Variants in TAB2 observed in about 807,000 individuals in gnomAD.
TAB2 encodes the protein TGF-beta-activated kinase 1 and MAP3K7-binding protein 2.
In TAB2, 3 loss-of-function variants were observed where a neutral mutation model predicts 65.0. The observed-to-expected ratio is 0.05, with a 90% confidence interval of 0.02 to 0.12. TAB2 has a LOEUF of 0.12. Ranked by LOEUF, TAB2 falls within the 10% of genes least tolerant of loss-of-function variation. The pLI, the probability that TAB2 is intolerant of heterozygous loss-of-function variation, is 1.00. For synonymous variants in TAB2, 298 were observed against 285.1 expected (o/e 1.05, Z -0.46); for missense variants, 623 against 840.3 (o/e 0.74, Z 3.20).
chr6:149,387,310 A>G (rs999309760), intron 3 of TAB2, among the ~76,000 whole-genome samples: 4 of 152,138 alleles, frequency 2.6e-5, no homozygotes, highest in Non-Finnish European at 5.9e-5. Context: ...TAAGAATCCA[A>G]CTTCATTCTT....
chr6:149,254,139 G>A (rs1490066781), intron 1 of TAB2, among the ~76,000 whole-genome samples: 1 of 149,546 alleles, frequency 6.7e-6, no homozygotes, highest in Non-Finnish European at 1.5e-5. Flanking sequence ...GGAAAGGAAA[G>A]GAAAGGAAAG....
intron 1 of TAB2, among the ~76,000 whole-genome samples, chr6:149,262,554 A>G (rs575337827): frequency 6.6e-6 from 1 of 152,070 alleles, no homozygotes; most frequent in South Asian, 2.1e-4. Flanking sequence ...AAAATCTCAT[A>G]TGCTAGAGTT....
chr6:149,281,875 C>A lies in TAB2; in HGVS notation c.-121+63099C>A, dbSNP rs141470478. 2.3e-3 allele frequency among the ~76,000 whole-genome samples: 357 copies of A among 152,002 alleles called. 5 individuals are homozygous for A. Among genetic ancestry groups the A allele is most frequent in the African/African-American group, 8.3e-3 (346 of 41,468 alleles). ...AAAAAATACACTTTATATATAAAGA[C>A]ATAAAAAGATTAAAAGTAAAATGAT... On this transcript the variant is annotated intron_variant, in intron 1 of 1. Coordinates refer to the TAB2 transcript ENST00000606202.
At chr6:149,318,442 G>A (rs1779329648) in intron 1 of TAB2, 1 of 129,736 alleles carries the variant, frequency 7.7e-6, no homozygotes, top group Non-Finnish European at 1.6e-5. Flanking sequence ...GGGAGCCGAG[G>A]TCTAGTTAAA....
chr6:149,332,940 CAAT>C (rs930545218), intron 1 of TAB2, among the ~76,000 whole-genome samples: 21 of 152,108 alleles, frequency 1.4e-4, no homozygotes, highest in African/African-American at 5.1e-4. Flanking sequence ...TTATTAGCTC[CAAT>C]AATATTTCCT....
intron 1 of TAB2, among the ~76,000 whole-genome samples, chr6:149,272,247 T>C (rs1418366482): frequency 6.6e-6 from 1 of 152,236 alleles, no homozygotes; most frequent in Admixed American, 6.5e-5. Flanking sequence ...AATTCCAGTC[T>C]AGGTTGGGAC....
intron 1 of TAB2, among the ~76,000 whole-genome samples, chr6:149,312,153 A>C (rs925711708): frequency 6.6e-6 from 1 of 152,200 alleles, no homozygotes; most frequent in African/African-American, 2.4e-5. Flanking sequence ...CTCTGAAATA[A>C]ATTTTTTAAT....
intron 1 of TAB2, among the ~76,000 whole-genome samples, chr6:149,251,222 T>C (rs1777855051): frequency 6.6e-6 from 1 of 152,138 alleles, no homozygotes; most frequent in Admixed American, 6.5e-5. Flanking sequence ...ACCAGAAATA[T>C]GTTGAGCTAA....
chr6:149,400,546 G>GAT (rs1040787910), intron 6 of TAB2: 22 of 1,614,138 alleles, frequency 1.4e-5, no homozygotes, highest in Non-Finnish European at 1.9e-5. Flanking sequence ...GAACCACGGG[G>GAT]ATTGTCAGTG....
chr6:149,302,106 G>A (rs989336502), intron 1 of TAB2, among the ~76,000 whole-genome samples: 4 of 151,914 alleles, frequency 2.6e-5, no homozygotes, highest in Non-Finnish European at 5.9e-5. Context: ...GTTTCATATA[G>A]GTATTCAAAA....
At position 149,402,544 on chromosome 6, in the gene TAB2, T is replaced by C. The variant is rs1782467494; in HGVS notation, c.1939+3360T>C. On this transcript the variant is annotated intron_variant, in intron 6 of 6. Transcript: ENST00000637181. ...ACTGGATGGCTTCATGAGTGAATTC[T>C]GTCAAACACTCAAACAAGAATTAAT... Among the ~76,000 whole-genome samples the C allele has an allele frequency of 6.7e-5, 10 of 148,922 alleles. No individual in the cohort carries two copies. In the South Asian group the frequency reaches 2.1e-3, roughly 31 times the overall value.
chr6:149,380,582 TTAAA>T (rs1303163751), intron 3 of TAB2, among the ~76,000 whole-genome samples: 3 of 152,220 alleles, frequency 2.0e-5, no homozygotes, highest in Non-Finnish European at 4.4e-5. Flanking sequence ...AGTAGGACTG[TTAAA>T]TAAATACATT....
chr6:149,342,381 CT>C lies in TAB2; in HGVS notation c.-90+24367del, dbSNP rs1239880416. Among the ~76,000 whole-genome samples the C allele has an allele frequency of 2.0e-5, 3 of 152,146 alleles. No individual in the cohort carries two copies. In the East Asian group the frequency reaches 5.8e-4, roughly 29 times the overall value. On this transcript the variant is annotated intron_variant, in intron 1 of 6. Transcript: ENST00000637181. Reference sequence around the variant, plus strand: ...TGTTTTTCTCTTTCTGTTAGAGTTACTCTGTGGTCTCCTGTTGGACAGTCTG... The same window carrying C: ...TGTTTTTCTCTTTCTGTTAGAGTTACCTGTGGTCTCCTGTTGGACAGTCTG...
chr6:149,366,188 G>A (rs1486851148), intron 1 of TAB2, among the ~76,000 whole-genome samples: 1 of 152,104 alleles, frequency 6.6e-6, no homozygotes, highest in African/African-American at 2.4e-5. Flanking sequence ...ATGCCATGTA[G>A]AGACTCTGGA....
chr6:149,231,542 G>C lies in TAB2; in HGVS notation c.-121+12766G>C, dbSNP rs531076475. Among the ~76,000 whole-genome samples the C allele has an allele frequency of 5.3e-5, 8 of 152,304 alleles. No individual in the cohort carries two copies. The East Asian group carries it at 1.5e-3, about 29-fold the overall frequency. ...TTGGGGGTGATACCTAAAGTAAGTT[G>C]AACACGCTTTAAATGTCTTTTCTAT... On this transcript the variant is annotated intron_variant, in intron 1 of 1. Transcript: ENST00000606202.
upstream of TAB2, among the ~76,000 whole-genome samples, chr6:149,317,214 C>T (rs948652167): frequency 3.3e-5 from 5 of 151,898 alleles, no homozygotes; most frequent in Admixed American, 2.6e-4. This position sits in a 1 kb window ranked among gnomAD's most constrained non-coding sequence, Gnocchi z 4.7. Flanking sequence ...AGGTGGAACC[C>T]GCAACCTACC....
At chr6:149,229,597 C>T (rs1205667501) in intron 1 of TAB2, among the ~76,000 whole-genome samples, 1 of 152,114 alleles carries the variant, frequency 6.6e-6, no homozygotes, top group Non-Finnish European at 1.5e-5. Flanking sequence ...GTCACCGGAT[C>T]CTGCACAGAG....
chr6:149,402,431 A>G (rs1782462487), intron 6 of TAB2, among the ~76,000 whole-genome samples: 1 of 152,194 alleles, frequency 6.6e-6, no homozygotes, highest in Admixed American at 6.5e-5. Flanking sequence ...AAATAAGGAG[A>G]TTGAATCAGT....
At chr6:149,346,124 A>C (rs570442) in intron 1 of TAB2, among the ~76,000 whole-genome samples, 18,584 of 152,232 alleles carry the variant, frequency 0.12, 1,735 homozygotes, top group East Asian at 0.51. Flanking sequence ...AGAGGGAGGA[A>C]GGGGTGGATG....
Sources: allele counts gnomAD v4.1 joint callset (sites outside exome capture counted in the v4.1 genomes callset), GRCh38; gene constraint gnomAD v4.1.1; non-coding constraint Gnocchi (gnomAD v3.1); transcripts MANE v1.5; gene names NCBI Gene and HGNC (gene_info 2026-07-23, HGNC 2026-07-21).